IL1RAPL1: variants seen among roughly 807,000 people sequenced by gnomAD.
IL1RAPL1 encodes interleukin-1 receptor accessory protein-like 1.
A neutral mutation model predicts 48.4 loss-of-function variants in IL1RAPL1; 3 were observed. That is an observed-to-expected ratio of 0.06 (90% CI 0.03 to 0.16). IL1RAPL1 has a LOEUF of 0.16. Among genes scored for constraint, IL1RAPL1 ranks in the 10% least tolerant of loss-of-function variants. IL1RAPL1 has a pLI of 1.00. For synonymous variants in IL1RAPL1, 185 were observed against 187.7 expected (o/e 0.99, Z 0.12); for missense variants, 349 against 530.6 (o/e 0.66, Z 3.36).
intron 5 of IL1RAPL1, among the ~76,000 whole-genome samples, 186 bp from the exon 6 acceptor site, chrX:29,668,244 G>A (rs191117296): frequency 3.7e-4 from 42 of 112,422 alleles, no homozygotes; most frequent in African/African-American, 1.2e-3. Flanking sequence ...TTTTACTCAC[G>A]TACAATCTAA....
At chrX:29,252,947 T>A (rs1278690654) in intron 2 of IL1RAPL1, among the ~76,000 whole-genome samples, 1 of 111,092 alleles carries the variant, frequency 9.0e-6, no homozygotes, top group Non-Finnish European at 1.9e-5. Flanking sequence ...CTCGTGTCTA[T>A]AACAATTCAA....
At chrX:28,616,437 CTTT>C (rs1335496099) in intron 1 of IL1RAPL1, among the ~76,000 whole-genome samples, 1 of 100,139 alleles carries the variant, frequency 1.0e-5, no homozygotes. Flanking sequence ...ATTTTTCTTT[CTTT>C]TTTTTTTTTT....
chrX:28,816,311 T>C (rs1936871393), intron 2 of IL1RAPL1, among the ~76,000 whole-genome samples: 1 of 110,019 alleles, frequency 9.1e-6, no homozygotes, highest in African/African-American at 3.3e-5. Flanking sequence ...TATTGTATGA[T>C]GCTAAGGTGT....
chrX:28,792,929 T>C (rs1361467744), intron 2 of IL1RAPL1, among the ~76,000 whole-genome samples: 1 of 97,168 alleles, frequency 1.0e-5, no homozygotes, highest in African/African-American at 3.8e-5. Context: ...TTGTTTTAAA[T>C]ATCACTTCAG....
chrX:29,524,383 T>C (rs1935532692), intron 5 of IL1RAPL1, among the ~76,000 whole-genome samples: 1 of 111,393 alleles, frequency 9.0e-6, no homozygotes, highest in Non-Finnish European at 1.9e-5. Flanking sequence ...ATATACATTA[T>C]GGATTTTTAT....
At chrX:28,861,414 A>G (rs969052113) in intron 2 of IL1RAPL1, among the ~76,000 whole-genome samples, 2 of 112,023 alleles carry the variant, frequency 1.8e-5, no homozygotes, top group Non-Finnish European at 3.8e-5. Context: ...AACACACAAA[A>G]AGAGGGCAAA....
At chrX:29,764,215 A>G (rs979001662) in intron 6 of IL1RAPL1, among the ~76,000 whole-genome samples, 2 of 111,732 alleles carry the variant, frequency 1.8e-5, no homozygotes, top group Non-Finnish European at 3.8e-5. Context: ...GTGCCCACCT[A>G]TGATACTCCA....
At chrX:29,382,482 G>C (rs962930429) in intron 3 of IL1RAPL1, among the ~76,000 whole-genome samples, 1 of 111,058 alleles carries the variant, frequency 9.0e-6, no homozygotes, top group Non-Finnish European at 1.9e-5. Context: ...CCTCCCCTAC[G>C]GCCAGGGATC....
At chrX:29,005,886 G>A (rs187867508) in intron 2 of IL1RAPL1, among the ~76,000 whole-genome samples, 25 of 111,861 alleles carry the variant, frequency 2.2e-4, no homozygotes, top group African/African-American at 7.1e-4. Context: ...ATAAAATCTT[G>A]TAAAAAGACT....
intron 6 of IL1RAPL1, among the ~76,000 whole-genome samples, chrX:29,711,473 G>A (rs981313808): frequency 4.5e-5 from 5 of 110,892 alleles, no homozygotes; most frequent in Admixed American, 1.9e-4. Flanking sequence ...GTGAGCCACC[G>A]CGCCTAGCCA....
intron 5 of IL1RAPL1, among the ~76,000 whole-genome samples, chrX:29,493,260 C>T (rs995840385): frequency 1.8e-5 from 2 of 111,816 alleles, no homozygotes; most frequent in African/African-American, 6.5e-5. Flanking sequence ...GAGAACAGAA[C>T]CCAAATCTCT....
intron 2 of IL1RAPL1, among the ~76,000 whole-genome samples, chrX:29,055,042 T>C: frequency 1.8e-5 from 2 of 111,950 alleles, no homozygotes; most frequent in Middle Eastern, 9.4e-3. Flanking sequence ...TATTTACACA[T>C]ATTCAATATT....
chrX:28,728,381 A>G (rs941170276), intron 1 of IL1RAPL1, among the ~76,000 whole-genome samples: 2 of 112,030 alleles, frequency 1.8e-5, no homozygotes. Flanking sequence ...ACCTTTATTC[A>G]GCAAGAGAGA....
intron 6 of IL1RAPL1, among the ~76,000 whole-genome samples, chrX:29,781,760 A>G (rs763109397): frequency 1.8e-5 from 2 of 111,678 alleles, no homozygotes; most frequent in South Asian, 3.7e-4. Context: ...TTCTGTGTCA[A>G]TTGGCTACCC....
At chrX:29,626,243 C>A (rs1924612169) in intron 5 of IL1RAPL1, among the ~76,000 whole-genome samples, 1 of 112,032 alleles carries the variant, frequency 8.9e-6, no homozygotes, top group Admixed American at 9.5e-5. Context: ...TCAATGCCTG[C>A]TATTTTATTA....
At chrX:29,864,220 G>T (rs981968340) in intron 6 of IL1RAPL1, among the ~76,000 whole-genome samples, 2 of 112,456 alleles carry the variant, frequency 1.8e-5, no homozygotes, top group African/African-American at 6.5e-5. Flanking sequence ...ATAGTGTTAG[G>T]CCGAAGTATT....
At chrX:29,762,408 T>TA (rs1928773673) in intron 6 of IL1RAPL1, among the ~76,000 whole-genome samples, 1 of 112,016 alleles carries the variant, frequency 8.9e-6, no homozygotes, top group Admixed American at 9.5e-5. Context: ...GAATTTGAGT[T>TA]AAAGAATTCT....
intron 4 of IL1RAPL1, among the ~76,000 whole-genome samples, chrX:29,398,787 T>C (rs1382751653): frequency 1.8e-5 from 2 of 112,134 alleles, no homozygotes; most frequent in Non-Finnish European, 3.8e-5. Context: ...GTGAAATATC[T>C]GTTTCCAAAA....
chrX:29,348,387 G>T (rs557794330), intron 3 of IL1RAPL1, among the ~76,000 whole-genome samples: 2 of 112,139 alleles, frequency 1.8e-5, no homozygotes, highest in Non-Finnish European at 3.8e-5. Context: ...ACCTATAATT[G>T]TAGTGAGAAA....
Sources: gnomAD v4.1 joint callset for allele counts (sites outside exome capture counted in the v4.1 genomes callset) on GRCh38, gnomAD v4.1.1 for gene constraint, MANE v1.5 for transcripts, NCBI Gene and HGNC (gene_info 2026-07-23, HGNC 2026-07-21) for gene names.